The following ZNF362 variants were observed in gnomAD, a reference collection of about 807,000 sequenced individuals.
The protein encoded by ZNF362 is rotund homolog.
ZNF362 carries 11 observed loss-of-function variants against 42.9 expected under a neutral mutation model. The observed-to-expected ratio is 0.26, with a 90% CI of 0.16 to 0.42. The LOEUF (loss-of-function observed/expected upper bound fraction) is 0.42. Among genes scored for constraint, ZNF362 ranks in the 20% least tolerant of loss-of-function variants. The pLI is 1.00. For synonymous variants in ZNF362, 255 were observed against 257.3 expected (o/e 0.99, Z 0.09); for missense variants, 362 against 576.2 (o/e 0.63, Z 3.81).
At chr1:33,146,805 A>G in the ZNF362 span, 2 of 288,460 alleles carry the variant, frequency 6.9e-6, no homozygotes, top group Non-Finnish European at 1.3e-5. Context: ...TCGGGCTGCC[A>G]ACTACTGGCC....
intron 8 of ZNF362, 67 bp from the exon 9 acceptor site, chr1:33,298,863 G>T: frequency 1.5e-6 from 2 of 1,371,570 alleles, no homozygotes. Flanking sequence ...GCTGCTGGTG[G>T]GAACTGCAGC....
the ZNF362 span, among the ~76,000 whole-genome samples, chr1:33,149,114 T>C: frequency 6.6e-6 from 1 of 152,182 alleles, no homozygotes; most frequent in Non-Finnish European, 1.5e-5. Context: ...CCAGCAGATG[T>C]GCTCGTTCTG....
At chr1:33,162,571 G>A in the ZNF362 span, among the ~76,000 whole-genome samples, 1 of 152,236 alleles carries the variant, frequency 6.6e-6, no homozygotes, top group Admixed American at 6.5e-5. Flanking sequence ...ATCAGGAGTT[G>A]CTTGAGGGGT....
chr1:33,185,982 A>G, the ZNF362 span, among the ~76,000 whole-genome samples: 1 of 152,146 alleles, frequency 6.6e-6, no homozygotes, highest in African/African-American at 2.4e-5. Flanking sequence ...AGCTCTGTTT[A>G]TTATATATAT....
chr1:33,228,829 C>T, the ZNF362 span, among the ~76,000 whole-genome samples: 2 of 152,158 alleles, frequency 1.3e-5, no homozygotes, highest in Non-Finnish European at 1.5e-5. Context: ...TCAAGCCTAT[C>T]ATTCCTCTAC....
chr1:33,294,679 C>T lies in ZNF362; in HGVS notation c.909-258C>T, dbSNP rs1207485466. On this transcript the variant is annotated intron_variant, in intron 6 of 8. Coordinates refer to ENST00000539719, the MANE Select transcript of ZNF362 (RefSeq NM_152493.3). This position sits in a 1 kb window ranked among gnomAD's most constrained non-coding sequence, Gnocchi z 4.2. ...GGCCTGCACTGGGTTGCTGCAAGGG[C>T]TCTGGTGGTGGGCTGGGGACAGCTG... 3.3e-5 allele frequency among the ~76,000 whole-genome samples: 5 copies of T among 152,140 alleles called. No homozygotes were observed. The highest frequency in any genetic ancestry group is 7.3e-5 in the Non-Finnish European group (5 of 68,030).
chr1:33,167,922 G>A, the ZNF362 span, among the ~76,000 whole-genome samples: 387 of 152,324 alleles, frequency 2.5e-3, 2 homozygotes, highest in Admixed American at 0.011. The surrounding 1 kb of genome is among the most constrained non-coding windows in gnomAD (Gnocchi z 4.2). Context: ...CACTGTTGAG[G>A]CACTGGGATT....
the ZNF362 span, among the ~76,000 whole-genome samples, chr1:33,231,757 T>C: frequency 1.3e-5 from 2 of 152,150 alleles, no homozygotes; most frequent in African/African-American, 4.8e-5. Context: ...AATGAGCGAA[T>C]GATGGATTCC....
the ZNF362 span, chr1:33,145,842 C>T: frequency 4.2e-6 from 2 of 470,932 alleles, no homozygotes; most frequent in Non-Finnish European, 8.8e-6. Context: ...GCTTGCTCCA[C>T]CCACCCTAAC....
At chr1:33,146,464 A>C in the ZNF362 span, 1 of 158,888 alleles carries the variant, frequency 6.3e-6, no homozygotes, top group African/African-American at 2.4e-5. Context: ...CTTTTAGGCT[A>C]ATGGGCTCTG....
the ZNF362 span, among the ~76,000 whole-genome samples, chr1:33,162,196 CATA>C: frequency 6.6e-6 from 1 of 152,172 alleles, no homozygotes; most frequent in Non-Finnish European, 1.5e-5. Context: ...CTCCTTGACA[CATA>C]GTAAAATGCT....
chr1:33,201,095 A>G, the ZNF362 span, among the ~76,000 whole-genome samples: 2 of 152,204 alleles, frequency 1.3e-5, no homozygotes, highest in East Asian at 1.9e-4. Context: ...CACATTGTCT[A>G]TAGTGCTGTA....
chr1:33,165,373 AC>A, the ZNF362 span: 22 of 1,150,366 alleles, frequency 1.9e-5, no homozygotes, highest in South Asian at 1.1e-4. The surrounding 1 kb of genome is among the most constrained non-coding windows in gnomAD (Gnocchi z 4.0). Context: ...TTTCCACCGC[AC>A]ACCCGAGGCC....
the ZNF362 span, among the ~76,000 whole-genome samples, chr1:33,148,913 A>C: frequency 4.6e-5 from 7 of 152,172 alleles, no homozygotes; most frequent in Non-Finnish European, 8.8e-5. Flanking sequence ...CAGAGCCAGG[A>C]CTAACCAAGG....
At chr1:33,262,335 T>C (rs10914672) in intron 1 of ZNF362, among the ~76,000 whole-genome samples, 123,613 of 125,808 alleles carry the variant, frequency 0.98, 60,781 homozygotes, top group Middle Eastern at 1. Flanking sequence ...GATGGAATCT[T>C]GCTCTGTCCC....
the ZNF362 span, among the ~76,000 whole-genome samples, chr1:33,158,802 C>T: frequency 6.6e-6 from 1 of 152,072 alleles, no homozygotes; most frequent in Non-Finnish European, 1.5e-5. Flanking sequence ...GGGCCTTGGC[C>T]AACTGATGTA....
chr1:33,280,151 C>G lies in ZNF362; in HGVS notation c.377C>G (p.Ser126Cys). Residue 126 changes from serine (S) to cysteine (C), a missense_variant, in exon 5 of 9, where the codon TCT becomes TGT. Transcript: ENST00000539719. The surrounding 1 kb of genome is among the most constrained non-coding windows in gnomAD (Gnocchi z 5.6). The part of the protein sequence containing the change: ...TGLGLSTRTP[S>C]VSTSESSAGA... ...CTGGGGCTGTCCACCCGGACCCCGT[C>G]TGTGAGCACTTCTGAGTCAAGCGCG... The G allele has an allele frequency of 6.3e-7, 1 of 1,595,580 alleles. No homozygotes were observed. Among genetic ancestry groups the G allele is most frequent in the Non-Finnish European group, 8.6e-7 (1 of 1,167,662 alleles).
chr1:33,287,986 A>C (rs891669761), intron 6 of ZNF362, among the ~76,000 whole-genome samples: 2 of 152,262 alleles, frequency 1.3e-5, no homozygotes, highest in African/African-American at 2.4e-5. Context: ...CTGAGAAATA[A>C]AAGTGATAAT....
At chr1:33,271,915 T>A (rs981350026) in intron 2 of ZNF362, among the ~76,000 whole-genome samples, 1 of 152,218 alleles carries the variant, frequency 6.6e-6, no homozygotes, top group Non-Finnish European at 1.5e-5. Flanking sequence ...CTGCAGAGTC[T>A]GAGCAGCCCA....
Sources: allele counts gnomAD v4.1 joint callset (sites outside exome capture counted in the v4.1 genomes callset), GRCh38; gene constraint gnomAD v4.1.1; non-coding constraint Gnocchi (gnomAD v3.1); transcripts MANE v1.5; gene names NCBI Gene and HGNC (gene_info 2026-07-23, HGNC 2026-07-21).